Variants in TTC29 observed in about 807,000 individuals in gnomAD.
TTC29 encodes the protein tetratricopeptide repeat protein 29.
In TTC29, 49 loss-of-function variants were observed where a neutral mutation model predicts 58.1. That is an observed-to-expected ratio of 0.84 (90% confidence interval 0.67 to 1.07). The LOEUF is 1.07. Among genes scored for constraint, TTC29 ranks in the 50% least tolerant of loss-of-function variants. The pLI is 0.00. For synonymous variants in TTC29, 209 were observed against 196.8 expected (o/e 1.06, Z -0.52); for missense variants, 582 against 555.6 (o/e 1.05, Z -0.48).
intron 11 of TTC29, among the ~76,000 whole-genome samples, chr4:146,724,095 C>T (rs569301442): frequency 2.6e-5 from 4 of 152,290 alleles, no homozygotes; most frequent in Admixed American, 2.6e-4. Context: ...AGCTGGAGGC[C>T]ATTATCCTAA....
intron 11 of TTC29, among the ~76,000 whole-genome samples, chr4:146,798,886 CAA>C (rs70958529): frequency 3.8e-4 from 7 of 18,270 alleles, no homozygotes; most frequent in African/African-American, 1.1e-3. Flanking sequence ...GACTCCGTCT[CAA>C]AAAAAAAAAA....
intron 8 of TTC29, among the ~76,000 whole-genome samples, chr4:146,837,008 G>A (rs1347149597): frequency 2.6e-5 from 4 of 152,094 alleles, no homozygotes; most frequent in African/African-American, 9.6e-5. Context: ...ATACCCAGAG[G>A]AATAAAAATT....
intron 4 of TTC29, among the ~76,000 whole-genome samples, chr4:146,920,234 A>T (rs1055346889): frequency 2.3e-4 from 35 of 151,026 alleles, no homozygotes; most frequent in Admixed American, 2.1e-3. Context: ...TCAAGAAAAA[A>T]CCTTTCATAC....
chr4:146,796,579 T>A (rs993294061), intron 11 of TTC29, among the ~76,000 whole-genome samples: 1 of 152,100 alleles, frequency 6.6e-6, no homozygotes, highest in African/African-American at 2.4e-5. Context: ...ATTTTAGATT[T>A]TTTGGGTGGG....
Position 146,739,741 on chromosome 4 carries a change from C to T in TTC29, c.1331-32190G>A, listed in dbSNP as rs554216945. Reference sequence around the variant, plus strand: ...TTCATACTTTTCCCTACAATCTCCACTTTTGACCAATAAATGTAGTGCCCT... The same window carrying T: ...TTCATACTTTTCCCTACAATCTCCATTTTTGACCAATAAATGTAGTGCCCT... On this transcript the variant is annotated intron_variant, in intron 11 of 12. Coordinates refer to ENST00000325106, the MANE Select transcript of TTC29 (RefSeq NM_031956.4). Among the ~76,000 whole-genome samples the T allele has an allele frequency of 3.9e-5, 6 of 152,290 alleles. No homozygotes were observed. The South Asian group carries it at 1.2e-3, about 32-fold the overall frequency.
At chr4:146,719,182 C>T (rs1023970317) in intron 11 of TTC29, among the ~76,000 whole-genome samples, 4 of 135,874 alleles carry the variant, frequency 2.9e-5, no homozygotes, top group South Asian at 4.8e-4. Flanking sequence ...ATTGCCTTGG[C>T]TATTGGGGTG....
At chr4:146,836,020 G>A (rs1241218776) in intron 8 of TTC29, among the ~76,000 whole-genome samples, 1 of 152,026 alleles carries the variant, frequency 6.6e-6, no homozygotes, top group Non-Finnish European at 1.5e-5. Context: ...CTTAGAATAA[G>A]AATACTTGGA....
At chr4:146,812,176 T>G (rs1453757335) in intron 10 of TTC29, among the ~76,000 whole-genome samples, 1 of 152,094 alleles carries the variant, frequency 6.6e-6, no homozygotes, top group African/African-American at 2.4e-5. Flanking sequence ...CTGGTAGATA[T>G]AAAAGACATA....
At chr4:146,801,071 G>C (rs1026772584) in intron 11 of TTC29, among the ~76,000 whole-genome samples, 1 of 152,132 alleles carries the variant, frequency 6.6e-6, no homozygotes, top group African/African-American at 2.4e-5. Flanking sequence ...TAAACCATGT[G>C]GTATGCTGAG....
intron 6 of TTC29, among the ~76,000 whole-genome samples, chr4:146,885,902 C>T (rs923284869): frequency 9.9e-5 from 15 of 151,966 alleles, no homozygotes; most frequent in Non-Finnish European, 1.9e-4. Flanking sequence ...TCTTTATAAT[C>T]ATTCAATTTG....
Position 146,716,073 on chromosome 4 carries a change from T to G in TTC29, c.1331-8522A>C, listed in dbSNP as rs370857560. Among the ~76,000 whole-genome samples the G allele has an allele frequency of 4.6e-5, 7 of 152,280 alleles. No homozygotes were observed. In the East Asian group the frequency reaches 1.4e-3, roughly 29 times the overall value. ...ATTCTGGATAGAAAAAAAATAAGAT[T>G]TGAAAAATCAACATCTCTCGAATCT... On this transcript the variant is annotated intron_variant, in intron 11 of 12. Coordinates refer to ENST00000325106, the MANE Select transcript of TTC29 (RefSeq NM_031956.4).
chr4:146,853,156 A>AT (rs1256430034), intron 8 of TTC29, among the ~76,000 whole-genome samples: 2 of 152,036 alleles, frequency 1.3e-5, no homozygotes, highest in Admixed American at 1.3e-4. Flanking sequence ...TTTTTCTTTT[A>AT]TTTTTTATTA....
chr4:146,871,513 T>C (rs1730929859), intron 7 of TTC29, among the ~76,000 whole-genome samples: 1 of 151,834 alleles, frequency 6.6e-6, no homozygotes, highest in Admixed American at 6.6e-5. Flanking sequence ...TAGAGAATCC[T>C]AAAGAATCCA....
intron 11 of TTC29, among the ~76,000 whole-genome samples, chr4:146,786,924 G>A (rs1749064570): frequency 6.6e-6 from 1 of 151,742 alleles, no homozygotes; most frequent in Non-Finnish European, 1.5e-5. Flanking sequence ...ACCAGGCTAG[G>A]TAACATAGTA....
intron 11 of TTC29, among the ~76,000 whole-genome samples, chr4:146,725,345 G>A (rs1743698530): frequency 6.6e-6 from 1 of 152,006 alleles, no homozygotes; most frequent in Admixed American, 6.6e-5. Context: ...GCCAGGCTGG[G>A]CAACATAGTG....
At chr4:146,760,197 A>G (rs917176053) in intron 11 of TTC29, among the ~76,000 whole-genome samples, 3 of 152,054 alleles carry the variant, frequency 2.0e-5, no homozygotes, top group Non-Finnish European at 4.4e-5. Context: ...ACAGCTGCAA[A>G]AAATTTAAAA....
At chr4:146,786,431 A>G (rs1055768741) in intron 11 of TTC29, among the ~76,000 whole-genome samples, 2 of 152,166 alleles carry the variant, frequency 1.3e-5, no homozygotes, top group African/African-American at 4.8e-5. Flanking sequence ...ATGTCACATC[A>G]CTTGTTTTAT....
chr4:146,792,399 T>C (rs930831277), intron 11 of TTC29, among the ~76,000 whole-genome samples: 7 of 152,210 alleles, frequency 4.6e-5, no homozygotes, highest in African/African-American at 2.4e-5. Flanking sequence ...TGTTGTAGCA[T>C]GGTTTACTTA....
At chr4:146,918,607 G>C (rs1021042291) in intron 4 of TTC29, among the ~76,000 whole-genome samples, 1 of 151,066 alleles carries the variant, frequency 6.6e-6, no homozygotes, top group African/African-American at 2.4e-5. Flanking sequence ...TCAGAGGAAA[G>C]CATGCTTATT....
Sources: allele counts gnomAD v4.1 joint callset (sites outside exome capture counted in the v4.1 genomes callset), GRCh38; gene constraint gnomAD v4.1.1; transcripts MANE v1.5; gene names NCBI Gene and HGNC (gene_info 2026-07-23, HGNC 2026-07-21).